Variants in LAMB1 observed in about 807,000 individuals in gnomAD.
LAMB1 encodes laminin subunit beta 1.
Under a neutral mutation model 222.3 loss-of-function variants are expected in LAMB1, and 121 were observed. The observed-to-expected ratio is 0.54, with a 90% confidence interval of 0.47 to 0.63. The LOEUF (loss-of-function observed/expected upper bound fraction) is 0.63. Among genes scored for constraint, LAMB1 ranks in the 30% least tolerant of loss-of-function variants. The pLI is 0.00. For missense variants in LAMB1, 2,172 were observed against 2,240.8 expected (o/e 0.97, Z 0.62); for synonymous variants, 794 against 807.2 (o/e 0.98, Z 0.28).
At position 107,955,454 on chromosome 7, in the gene LAMB1, G is replaced by A; in HGVS notation, c.2854+13C>T. On this transcript the variant is annotated intron_variant, in intron 21 of 33. Transcript: ENST00000222399. ...TCTCTCTCTTTGCCTCCCAAAGTATGCACACGACTTACCAATGTATCCAGG... is the reference window on the plus strand; with the variant it reads ...TCTCTCTCTTTGCCTCCCAAAGTATACACACGACTTACCAATGTATCCAGG... 6.2e-7 allele frequency: 1 copy of A among 1,606,464 alleles called. No homozygotes were observed. Among genetic ancestry groups the A allele is most frequent in the Non-Finnish European group, 8.5e-7 (1 of 1,175,076 alleles).
chr7:107,929,787 T>A, intron 29 of LAMB1, 168 bp from the exon 30 acceptor site: 1 of 551,356 alleles, frequency 1.8e-6, no homozygotes, highest in Non-Finnish European at 3.2e-6. Flanking sequence ...TGAGGGGAGA[T>A]GAGACCTACA....
At chr7:107,939,874 C>T in intron 25 of LAMB1, 115 bp downstream of exon 25, 1 of 1,205,562 alleles carries the variant, frequency 8.3e-7, no homozygotes. Context: ...TCTGTTCTCA[C>T]CCACAGGACT....
intron 3 of LAMB1, chr7:108,000,102 G>C (rs1358218629): frequency 1.3e-5 from 2 of 151,614 alleles, no homozygotes; most frequent in African/African-American, 2.4e-5. Context: ...TAATATTGTA[G>C]GTAAAATTTA....
At chr7:107,987,567 C>G (rs1384888329) in intron 5 of LAMB1, among the ~76,000 whole-genome samples, 1 of 152,214 alleles carries the variant, frequency 6.6e-6, no homozygotes, top group African/African-American at 2.4e-5. Context: ...GTGGCACGAT[C>G]TCAGTTCAAT....
Position 107,937,135 on chromosome 7 carries a change from G to A in LAMB1, c.3904C>T (p.Leu1302Phe). The change falls in exon 26 of 34, where the codon CTT becomes TTT. Residue 1302 changes from leucine to phenylalanine, a missense_variant. Physicochemically the swap from Leu to Phe is conservative, Grantham distance 22 (BLOSUM62 0). Coordinates refer to ENST00000222399, the MANE Select transcript of LAMB1 (RefSeq NM_002291.3). Reference sequence around the variant, plus strand: ...TTGATAAATTCCAGTTGTTCAGCAAGTTCTTTCACAGTGTTGTCTAGGCTT... The same window carrying A: ...TTGATAAATTCCAGTTGTTCAGCAAATTCTTTCACAGTGTTGTCTAGGCTT... ...AESLDNTVKE[L>F]AEQLEFIKNS... 1 of 1,613,978 alleles carries A rather than the reference G, an allele frequency of 6.2e-7. No homozygotes were observed. Among genetic ancestry groups the A allele is most frequent in the East Asian group, 2.2e-5 (1 of 44,874 alleles).
Position 107,964,539 on chromosome 7 carries a change from C to CTCCCCTACT in LAMB1, c.1698+4_1698+12dup. 1 of 1,614,142 alleles carries CTCCCCTACT rather than the reference C, an allele frequency of 6.2e-7. No homozygotes were observed. Among genetic ancestry groups the CTCCCCTACT allele is most frequent in the Non-Finnish European group, 8.5e-7 (1 of 1,179,980 alleles). On this transcript the variant is annotated intron_variant, in intron 14 of 33. Coordinates refer to ENST00000222399, the MANE Select transcript of LAMB1 (RefSeq NM_002291.3). The stretch of plus-strand genomic sequence containing the variant: ...CACTGCTTTACCGACCTGCCACACA[C>CTCCCCTACT]TCCCCTACTCACAGGCCCCAAGTTG...
chr7:107,994,665 A>T (rs2034250724), intron 5 of LAMB1, among the ~76,000 whole-genome samples: 1 of 152,246 alleles, frequency 6.6e-6, no homozygotes, highest in Non-Finnish European at 1.5e-5. Context: ...CAGTTGAATT[A>T]CCTTAGAATA....
In LAMB1 at chr7:107,946,016, C is replaced by T. The variant is rs886338571; in HGVS notation, c.3391+5210G>A. On this transcript the variant is annotated intron_variant, in intron 24 of 33. Coordinates refer to ENST00000222399, the MANE Select transcript of LAMB1 (RefSeq NM_002291.3). ...ATCAGCTGTTCTCTCTGTGTCCACT[C>T]CCCACTCTATACCATTGGTCACTCA... 4.6e-5 allele frequency among the ~76,000 whole-genome samples: 7 copies of T among 152,296 alleles called. No homozygotes were observed. In the East Asian group the frequency reaches 5.8e-4, roughly 13 times the overall value.
At chr7:107,970,475 C>T (rs995913450) in intron 13 of LAMB1, among the ~76,000 whole-genome samples, 3 of 96,312 alleles carry the variant, frequency 3.1e-5, no homozygotes, top group African/African-American at 1.4e-4. Context: ...GGTGACAAAG[C>T]GAAACTCTGT....
intron 7 of LAMB1, among the ~76,000 whole-genome samples, chr7:107,981,406 C>T (rs916340658): frequency 6.6e-6 from 1 of 151,246 alleles, no homozygotes; most frequent in African/African-American, 2.4e-5. Flanking sequence ...CGAGATTGTG[C>T]CATTGCACTC....
chr7:107,926,811 T>C (rs1490380860), intron 31 of LAMB1, among the ~76,000 whole-genome samples: 2 of 152,144 alleles, frequency 1.3e-5, no homozygotes, highest in Non-Finnish European at 2.9e-5. Context: ...TTTCAGCTAA[T>C]TACTGAAGAC....
chr7:107,949,334 A>G (rs2033192384), intron 24 of LAMB1, among the ~76,000 whole-genome samples: 1 of 152,258 alleles, frequency 6.6e-6, no homozygotes, highest in South Asian at 2.1e-4. Context: ...CAAAGCTAAG[A>G]TGGAGCCAAA....
intron 14 of LAMB1, among the ~76,000 whole-genome samples, chr7:107,964,328 A>T (rs1015709038): frequency 5.9e-5 from 9 of 152,234 alleles, no homozygotes; most frequent in African/African-American, 1.9e-4. Context: ...TTCTTAAACC[A>T]ACCAAAAGCC....
At chr7:107,981,318 T>C (rs2033968406) in intron 7 of LAMB1, among the ~76,000 whole-genome samples, 1 of 152,036 alleles carries the variant, frequency 6.6e-6, no homozygotes, top group Non-Finnish European at 1.5e-5. Context: ...CATCATGGCA[T>C]CCGCCTGTAA....
At chr7:107,934,155 A>C (rs900721577) in intron 27 of LAMB1, among the ~76,000 whole-genome samples, 2 of 152,220 alleles carry the variant, frequency 1.3e-5, no homozygotes, top group Non-Finnish European at 2.9e-5. Flanking sequence ...TCCATTTAAT[A>C]AATGACAGAT....
At chr7:107,984,304 A>G (rs1230903070) in intron 7 of LAMB1, among the ~76,000 whole-genome samples, 3 of 152,178 alleles carry the variant, frequency 2.0e-5, no homozygotes, top group Non-Finnish European at 4.4e-5. Context: ...GCTGGAGTGC[A>G]GTGGCACGAT....
rs149115420 is a variant in LAMB1, at chr7:107,963,004, G to C, written c.1758C>G (p.Ala586=). The stretch of plus-strand genomic sequence containing the variant: ...CCCCTTCAGGCACTCGGACGAAGCC[G>C]GCTCCAGTCCAGGAGGGAATCCGGT... ...IQDRIPSWTG[A]GFVRVPEGAY... Residue 586 remains alanine, a synonymous_variant, in exon 15 of 34, where the codon GCC becomes GCG. Coordinates refer to ENST00000222399, the MANE Select transcript of LAMB1 (RefSeq NM_002291.3). The C allele has an allele frequency of 1.2e-6, 2 of 1,613,892 alleles. No homozygotes were observed. The highest frequency in any genetic ancestry group is 3.3e-5 in the Admixed American group (2 of 59,992).
intron 22 of LAMB1, among the ~76,000 whole-genome samples, chr7:107,953,130 G>A (rs1297873436): frequency 1.3e-5 from 2 of 152,188 alleles, no homozygotes. Flanking sequence ...GCCGAGGCGG[G>A]TGGATCACCT....
chr7:107,970,676 G>A (rs1165591257), intron 13 of LAMB1, among the ~76,000 whole-genome samples: 2 of 151,816 alleles, frequency 1.3e-5, no homozygotes, highest in African/African-American at 4.8e-5. Flanking sequence ...TAATCTACTA[G>A]GCAAAACTTC....
Sources: allele counts gnomAD v4.1 joint callset (sites outside exome capture counted in the v4.1 genomes callset), GRCh38; gene constraint gnomAD v4.1.1; transcripts MANE v1.5; gene names NCBI Gene and HGNC (gene_info 2026-07-23, HGNC 2026-07-21).